ERBB4: variants seen among roughly 807,000 people sequenced by gnomAD.
The protein encoded by ERBB4 is erb-b2 receptor tyrosine kinase 4.
In ERBB4, 42 loss-of-function variants were observed where a neutral mutation model predicts 158.0. That is an observed-to-expected ratio of 0.27 (90% CI 0.21 to 0.34). The LOEUF (loss-of-function observed/expected upper bound fraction) is 0.34. Among genes scored for constraint, ERBB4 ranks in the 10% least tolerant of loss-of-function variants. The pLI, the probability that ERBB4 is intolerant of heterozygous loss-of-function variation, is 1.00. For synonymous variants in ERBB4, 583 were observed against 558.7 expected, an observed-to-expected ratio of 1.04 and a Z score of -0.61; for missense variants, 1,333 against 1,624.1, an observed-to-expected ratio of 0.82 and a Z score of 3.08.
chr2:212,391,695 T>TATTATATTGACA (rs1560194449), intron 1 of ERBB4, among the ~76,000 whole-genome samples: 27 of 95,250 alleles, frequency 2.8e-4, no homozygotes, highest in African/African-American at 9.7e-4. Context: ...ATATATTATA[T>TATTATATTGACA]TATATATTAT....
In ERBB4 at chr2:212,322,680, T is replaced by C. The variant is rs1182979770; in HGVS notation, c.83-197777A>G. Among the ~76,000 whole-genome samples the C allele has an allele frequency of 2.7e-5, 4 of 150,410 alleles. 1 individual carries two copies. The highest frequency in any genetic ancestry group is 4.5e-5 in the Non-Finnish European group (3 of 66,996). ...GCTCATGCAGCTTTTCAAATTAATA[T>C]GCCTAGATTACTGAGCCAGTAATCA... On this transcript the variant is annotated intron_variant, in intron 1 of 27. Transcript: ENST00000342788.
chr2:211,732,534 T>C (rs753465955), intron 5 of ERBB4, among the ~76,000 whole-genome samples: 1 of 152,160 alleles, frequency 6.6e-6, no homozygotes, highest in Non-Finnish European at 1.5e-5. Context: ...CCAGGCCATA[T>C]CATGAAGTAT....
At chr2:212,395,614 C>CTTTT (rs760604732) in intron 1 of ERBB4, among the ~76,000 whole-genome samples, 30 of 84,722 alleles carry the variant, frequency 3.5e-4, no homozygotes, top group East Asian at 6.4e-4. Context: ...CAGTTACACT[C>CTTTT]TTTTTTTTTT....
At chr2:212,432,892 G>A (rs887942155) in intron 1 of ERBB4, among the ~76,000 whole-genome samples, 4 of 152,010 alleles carry the variant, frequency 2.6e-5, no homozygotes. Flanking sequence ...AGTAATGGCA[G>A]CCACAAACTC....
At chr2:212,440,615 G>T (rs900489469) in intron 1 of ERBB4, among the ~76,000 whole-genome samples, 17 of 152,148 alleles carry the variant, frequency 1.1e-4, no homozygotes, top group African/African-American at 4.1e-4. Flanking sequence ...CATCAGTTTT[G>T]GGGTTTCTAG....
At chr2:211,773,631 T>TATATATATATATATATATA (rs2075786679) in intron 4 of ERBB4, among the ~76,000 whole-genome samples, 1 of 91,264 alleles carries the variant, frequency 1.1e-5, no homozygotes, top group Non-Finnish European at 1.9e-5. Flanking sequence ...TATATATATA[T>TATATATATATATATATATA]ATATATATAT....
intron 1 of ERBB4, among the ~76,000 whole-genome samples, chr2:212,431,895 T>G (rs980973660): frequency 3.5e-4 from 53 of 152,282 alleles, no homozygotes; most frequent in African/African-American, 9.1e-4. Context: ...CTCCCAACAT[T>G]CATTGTCCTC....
intron 2 of ERBB4, among the ~76,000 whole-genome samples, chr2:212,044,412 G>C (rs2077209248): frequency 6.6e-6 from 1 of 151,960 alleles, no homozygotes; most frequent in Admixed American, 6.6e-5. Context: ...GCCGCCTTTT[G>C]GTTGAAGTAC....
chr2:212,316,334 T>C (rs1378001360), intron 1 of ERBB4, among the ~76,000 whole-genome samples: 1 of 151,400 alleles, frequency 6.6e-6, no homozygotes, highest in East Asian at 2.0e-4. Flanking sequence ...GTGTATTTCC[T>C]TTTACAGAGG....
chr2:211,825,600 T>C (rs2105954424), intron 3 of ERBB4, among the ~76,000 whole-genome samples: 1 of 151,688 alleles, frequency 6.6e-6, no homozygotes, highest in African/African-American at 2.4e-5. Context: ...ATATCCACTA[T>C]GTGCTATGTG....
At chr2:211,563,537 C>T (rs117700894) in intron 19 of ERBB4, among the ~76,000 whole-genome samples, 2 of 152,088 alleles carry the variant, frequency 1.3e-5, no homozygotes, top group African/African-American at 4.8e-5. Flanking sequence ...AGCAATGTTG[C>T]ATCTTTGGCT....
intron 20 of ERBB4, among the ~76,000 whole-genome samples, chr2:211,467,278 A>G (rs1376211288): frequency 6.6e-6 from 1 of 152,150 alleles, no homozygotes; most frequent in African/African-American, 2.4e-5. Flanking sequence ...TGTTCTCACT[A>G]CATTCTGACT....
chr2:212,373,950 T>TCCATATATATATCCATATATATCTC (rs200040502), intron 1 of ERBB4, among the ~76,000 whole-genome samples: 1 of 64,608 alleles, frequency 1.5e-5, no homozygotes, highest in African/African-American at 7.0e-5. Context: ...CATATATATA[T>TCCATATATATATCCATATATATCTC]CATATATATA....
At chr2:211,962,203 T>C (rs371236513) in intron 2 of ERBB4, among the ~76,000 whole-genome samples, 1 of 152,110 alleles carries the variant, frequency 6.6e-6, no homozygotes, top group Admixed American at 6.6e-5. Context: ...AAATAAGCCA[T>C]CAAGTGGAAA....
At chr2:212,315,075 A>AT (rs2087213206) in intron 1 of ERBB4, among the ~76,000 whole-genome samples, 1 of 151,326 alleles carries the variant, frequency 6.6e-6, no homozygotes, top group Non-Finnish European at 1.5e-5. Context: ...ACCAAAACAG[A>AT]TAAGTTTTAA....
At chr2:211,876,195 C>G (rs1338873016) in intron 3 of ERBB4, among the ~76,000 whole-genome samples, 2 of 152,084 alleles carry the variant, frequency 1.3e-5, no homozygotes, top group Admixed American at 6.6e-5. Flanking sequence ...CACATTTTGC[C>G]AAAATATTGT....
chr2:211,624,182 A>T, intron 17 of ERBB4, 138 bp from the exon 18 acceptor site: 1 of 949,786 alleles, frequency 1.1e-6, no homozygotes, highest in Admixed American at 1.9e-5. Context: ...GACAACCAAT[A>T]CCTTCGTAAT....
At chr2:211,780,093 G>A (rs1322541153) in intron 4 of ERBB4, among the ~76,000 whole-genome samples, 2 of 152,164 alleles carry the variant, frequency 1.3e-5, no homozygotes, top group East Asian at 3.9e-4. Flanking sequence ...TGGGCGCAGT[G>A]GCTCATGCCT....
intron 20 of ERBB4, among the ~76,000 whole-genome samples, chr2:211,507,307 C>T (rs1469846696): frequency 6.6e-6 from 1 of 152,130 alleles, no homozygotes; most frequent in African/African-American, 2.4e-5. Context: ...ACCTGTCCTA[C>T]TGAAATTACT....
Sources: gnomAD v4.1 joint callset for allele counts (sites outside exome capture counted in the v4.1 genomes callset) on GRCh38, gnomAD v4.1.1 for gene constraint, MANE v1.5 for transcripts, NCBI Gene and HGNC (gene_info 2026-07-23, HGNC 2026-07-21) for gene names.